The following INSL6 variants were observed in gnomAD, a reference collection of about 807,000 sequenced individuals.
INSL6 encodes the protein insulin like 6.
In INSL6, 16 loss-of-function variants were observed where a neutral mutation model predicts 9.4. The ratio of observed to expected loss-of-function variants is 1.70; its 90% confidence interval spans 1.15 to 2.59. INSL6 has a LOEUF of 2.59. Ranked by LOEUF, INSL6 falls within the 30% of genes most tolerant of loss-of-function variation. The pLI, the probability that INSL6 is intolerant of heterozygous loss-of-function variation, is 0.00. For synonymous variants in INSL6, 154 were observed against 96.9 expected, an observed-to-expected ratio of 1.59 and a Z score of -3.46; for missense variants, 391 against 257.3, an observed-to-expected ratio of 1.52 and a Z score of -3.56.
the INSL6 span, among the ~76,000 whole-genome samples, chr9:5,048,097 T>C: frequency 4.6e-5 from 7 of 152,312 alleles, no homozygotes; most frequent in South Asian, 2.1e-4. Flanking sequence ...ATGACTTCCA[T>C]AGAATTTCCA....
At chr9:5,185,232 G>T in intron 1 of INSL6, 82 bp downstream of exon 1, 1 of 1,554,622 alleles carries the variant, frequency 6.4e-7, no homozygotes, top group South Asian at 1.1e-5. Context: ...ACTTCCTGGG[G>T]AAGCTCACCT....
At chr9:5,111,031 G>A in the INSL6 span, 1 of 870,726 alleles carries the variant, frequency 1.1e-6, no homozygotes, top group Non-Finnish European at 1.8e-6. Flanking sequence ...CGCCTCCCTG[G>A]CCGGGGCGCA....
At chr9:5,033,200 G>A in the INSL6 span, among the ~76,000 whole-genome samples, 3 of 152,048 alleles carry the variant, frequency 2.0e-5, no homozygotes, top group Non-Finnish European at 2.9e-5. Flanking sequence ...TAGAGAAAAA[G>A]GAATAAAAGG....
intron 2 of INSL6, among the ~76,000 whole-genome samples, chr9:5,144,532 A>G (rs1341381625): frequency 6.6e-6 from 1 of 152,162 alleles, no homozygotes; most frequent in Admixed American, 6.5e-5. Context: ...CAGGTCCTGT[A>G]TATCTTTGTT....
chr9:5,120,918 G>C (rs1823568367), downstream of INSL6, among the ~76,000 whole-genome samples: 1 of 152,136 alleles, frequency 6.6e-6, no homozygotes, highest in African/African-American at 2.4e-5. Flanking sequence ...AATTCTGTTT[G>C]CCTATAGATC....
chr9:5,118,593 ATTAT>A, the INSL6 span, among the ~76,000 whole-genome samples: 5 of 152,180 alleles, frequency 3.3e-5, no homozygotes, highest in African/African-American at 7.2e-5. Context: ...TCGGATGAAT[ATTAT>A]TTATTTCTAT....
At chr9:5,069,144 G>A in the INSL6 span, 1 of 1,613,038 alleles carries the variant, frequency 6.2e-7, no homozygotes. Context: ...GTTACCAGAT[G>A]GAAACTGTTC....
the INSL6 span, among the ~76,000 whole-genome samples, chr9:5,075,670 A>C: frequency 1.3e-5 from 2 of 152,192 alleles, no homozygotes; most frequent in Non-Finnish European, 1.5e-5. Flanking sequence ...GTCACCCAAG[A>C]GCTCTGATGG....
the INSL6 span, among the ~76,000 whole-genome samples, chr9:5,091,956 T>A: frequency 6.6e-6 from 1 of 152,102 alleles, no homozygotes; most frequent in Non-Finnish European, 1.5e-5. Context: ...GAAGTAGGGA[T>A]AATACTGTTA....
At chr9:4,996,173 A>G in the INSL6 span, among the ~76,000 whole-genome samples, 1 of 152,216 alleles carries the variant, frequency 6.6e-6, no homozygotes, top group Admixed American at 6.5e-5. Flanking sequence ...TTATTATTTT[A>G]GAGGGTCAAA....
At chr9:5,145,613 C>G (rs986591325) in intron 2 of INSL6, among the ~76,000 whole-genome samples, 1 of 152,176 alleles carries the variant, frequency 6.6e-6, no homozygotes, top group African/African-American at 2.4e-5. Context: ...CAGGCTGGGT[C>G]TCTTTACACA....
At chr9:5,166,189 G>C (rs932953117) in intron 1 of INSL6, among the ~76,000 whole-genome samples, 1 of 152,172 alleles carries the variant, frequency 6.6e-6, no homozygotes, top group African/African-American at 2.4e-5. Context: ...CAGAGAGAGA[G>C]GAAGGCAGAA....
At chr9:5,064,959 A>C in the INSL6 span, 1 of 1,607,894 alleles carries the variant, frequency 6.2e-7, no homozygotes, top group Non-Finnish European at 8.5e-7. Flanking sequence ...TTAACTGCAG[A>C]TGCACATCAT....
the INSL6 span, among the ~76,000 whole-genome samples, chr9:5,067,206 C>T: frequency 1.3e-5 from 2 of 152,022 alleles, no homozygotes; most frequent in Non-Finnish European, 2.9e-5. Flanking sequence ...TTAGAGAAAA[C>T]TAGGTCAATA....
At chr9:5,041,962 G>A in the INSL6 span, 2 of 375,138 alleles carry the variant, frequency 5.3e-6, no homozygotes, top group Admixed American at 3.7e-5. Context: ...TCTCCGTGCG[G>A]CCCCTTGGGG....
At chr9:5,079,776 G>T in the INSL6 span, among the ~76,000 whole-genome samples, 1 of 151,958 alleles carries the variant, frequency 6.6e-6, no homozygotes, top group Non-Finnish European at 1.5e-5. Flanking sequence ...CTGCAATCGT[G>T]CCATTGCACT....
chr9:5,075,642 T>C, the INSL6 span, among the ~76,000 whole-genome samples: 1 of 152,196 alleles, frequency 6.6e-6, no homozygotes, highest in Non-Finnish European at 1.5e-5. Flanking sequence ...GTATTACTGA[T>C]CATTGACAAT....
chr9:5,157,763 T>C (rs1336047010), intron 2 of INSL6, among the ~76,000 whole-genome samples: 1 of 152,036 alleles, frequency 6.6e-6, no homozygotes, highest in Non-Finnish European at 1.5e-5. Flanking sequence ...CTACAATAAA[T>C]ACCTCACTCT....
the INSL6 span, chr9:5,111,436 C>A: frequency 5.1e-6 from 2 of 394,670 alleles, no homozygotes; most frequent in Middle Eastern, 6.2e-4. Context: ...TCGGGAAGGT[C>A]CCGCCTGGTC....
Sources: gnomAD v4.1 joint callset for allele counts (sites outside exome capture counted in the v4.1 genomes callset) on GRCh38, gnomAD v4.1.1 for gene constraint, MANE v1.5 for transcripts, NCBI Gene and HGNC (gene_info 2026-07-23, HGNC 2026-07-21) for gene names.